The following BET1 variants were observed in gnomAD, a reference collection of about 807,000 sequenced individuals.
The protein encoded by BET1 is Bet1 golgi vesicular membrane trafficking protein.
Under a neutral mutation model 13.9 loss-of-function variants are expected in BET1, and 9 were observed. That is an observed-to-expected ratio of 0.65 (90% CI 0.39 to 1.13). The LOEUF (loss-of-function observed/expected upper bound fraction) is 1.13. BET1 is among the 50% of genes most tolerant of loss of function. The probability of loss-of-function intolerance (pLI) is 0.01; values close to 1 mark genes in which losing one functional copy is unlikely to be tolerated. For missense variants in BET1, 127 were observed against 133.6 expected, an observed-to-expected ratio of 0.95 and a Z score of 0.24; for synonymous variants, 39 against 47.3, an observed-to-expected ratio of 0.82 and a Z score of 0.72.
At chr7:93,964,926 C>A (rs1795149971) in exon 7 of BET1, 1 of 152,010 alleles carries the variant, frequency 6.6e-6, no homozygotes, top group Admixed American at 6.6e-5. Context: ...GATTTCTCAA[C>A]TAATTTAAAA....
intron 4 of BET1, among the ~76,000 whole-genome samples, chr7:93,987,996 G>A (rs1427860506): frequency 2.6e-5 from 4 of 152,176 alleles, no homozygotes; most frequent in Non-Finnish European, 5.9e-5. Context: ...AATACTTAAA[G>A]AAGCTCAGCT....
At chr7:93,983,569 CT>C (rs1411586022) in intron 4 of BET1, among the ~76,000 whole-genome samples, 1 of 152,040 alleles carries the variant, frequency 6.6e-6, no homozygotes, top group Non-Finnish European at 1.5e-5. Context: ...TGAGCCATGA[CT>C]CTGTACAAAA....
chr7:93,995,304 A>G (rs1474219710), intron 3 of BET1, among the ~76,000 whole-genome samples: 1 of 152,332 alleles, frequency 6.6e-6, no homozygotes, highest in Non-Finnish European at 1.5e-5. Flanking sequence ...GGAAAATCCT[A>G]AAGATGAGAG....
At chr7:93,987,829 G>C (rs991097412) in intron 4 of BET1, among the ~76,000 whole-genome samples, 2 of 152,172 alleles carry the variant, frequency 1.3e-5, no homozygotes, top group African/African-American at 4.8e-5. Context: ...TCTTCCACTT[G>C]TGCCTAAGTG....
At chr7:93,986,293 T>G (rs1795526876) in intron 4 of BET1, among the ~76,000 whole-genome samples, 1 of 152,190 alleles carries the variant, frequency 6.6e-6, no homozygotes, top group South Asian at 2.1e-4. Flanking sequence ...TGGAAAGTTT[T>G]AGCTCTGAAA....
At chr7:93,997,453 T>C (rs1263820246) in intron 2 of BET1, among the ~76,000 whole-genome samples, 1 of 152,246 alleles carries the variant, frequency 6.6e-6, no homozygotes, top group Middle Eastern at 3.4e-3. Context: ...TTATCTACAT[T>C]GGGGGGGTTT....
chr7:93,972,214 C>A (rs925518977), intron 6 of BET1, among the ~76,000 whole-genome samples: 1 of 151,842 alleles, frequency 6.6e-6, no homozygotes, highest in Non-Finnish European at 1.5e-5. Context: ...TCCTGTGTAA[C>A]AATGTCACAA....
At chr7:94,003,481 G>A (rs1326370433) in intron 1 of BET1, among the ~76,000 whole-genome samples, 1 of 151,460 alleles carries the variant, frequency 6.6e-6, no homozygotes, top group Non-Finnish European at 1.5e-5. Flanking sequence ...CGTGTCCTAA[G>A]AGAAAGCTTC....
chr7:93,980,472 G>C (rs1043287281), intron 4 of BET1, among the ~76,000 whole-genome samples: 2 of 152,118 alleles, frequency 1.3e-5, no homozygotes, highest in South Asian at 4.1e-4. Flanking sequence ...GGATTCAAGG[G>C]TGGTTCAACA....
At chr7:94,003,298 T>C (rs1795953365) in intron 1 of BET1, among the ~76,000 whole-genome samples, 2 of 152,144 alleles carry the variant, frequency 1.3e-5, no homozygotes, top group South Asian at 4.1e-4. Flanking sequence ...TAAACAAGTC[T>C]ACGGTTATTG....
chr7:93,981,715 G>T (rs941557058), intron 4 of BET1, among the ~76,000 whole-genome samples: 1 of 152,140 alleles, frequency 6.6e-6, no homozygotes, highest in African/African-American at 2.4e-5. Context: ...GTCCTCCTAG[G>T]AGTCATTAAA....
At chr7:93,983,285 C>T (rs1019317980) in intron 4 of BET1, among the ~76,000 whole-genome samples, 2 of 152,128 alleles carry the variant, frequency 1.3e-5, no homozygotes, top group African/African-American at 4.8e-5. Context: ...TGGAGTACGT[C>T]TCTATTAATT....
rs764209523 is a variant in BET1, at chr7:93,993,523, T to C, written c.*707A>G. ...AATGATAAATGTGCTACCTATGTAG[T>C]AAAAATCATAAAACTATTATAAGCC... On this transcript the variant is annotated 3_prime_UTR_variant, in exon 4 of 4. Transcript: ENST00000222547. 1.7e-5 allele frequency: 17 copies of C among 997,444 alleles called. No homozygotes were observed. Among genetic ancestry groups the C allele is most frequent in the Non-Finnish European group, 2.0e-5 (17 of 834,224 alleles). The allele number at this position is 997,444 out of a possible 1,614,324, so 61.8% of individuals were successfully genotyped here.
At chr7:94,000,915 A>G (rs1167365197) in intron 1 of BET1, among the ~76,000 whole-genome samples, 1 of 152,126 alleles carries the variant, frequency 6.6e-6, no homozygotes, top group Non-Finnish European at 1.5e-5. Context: ...GGGAGGCAGG[A>G]TCACTTGAGG....
Position 93,978,047 on chromosome 7 carries a change from C to G in BET1, c.236-1947G>C, listed in dbSNP as rs138395937. Among the ~76,000 whole-genome samples the G allele has an allele frequency of 3.3e-3, 496 of 151,372 alleles. 6 individuals are homozygous for G. Among genetic ancestry groups the G allele is most frequent in the African/African-American group, 0.012 (481 of 41,154 alleles). Reference sequence around the variant, plus strand: ...TCTGTCCTAGACTGGTTGTTATTGTCTCAAAATGTGGCATCTGCAACTTTG... The same window carrying G: ...TCTGTCCTAGACTGGTTGTTATTGTGTCAAAATGTGGCATCTGCAACTTTG... On this transcript the variant is annotated intron_variant and NMD_transcript_variant, in intron 4 of 6. Coordinates refer to the BET1 transcript ENST00000357520.
At chr7:93,975,913 G>A (rs1172534211) in exon 5 of BET1, 2 of 1,133,420 alleles carry the variant, frequency 1.8e-6, no homozygotes, top group African/African-American at 1.6e-5. Context: ...CTTCTTTCTT[G>A]GAAGATTTGG....
downstream of BET1, among the ~76,000 whole-genome samples, chr7:93,990,387 A>G (rs1174854159): frequency 2.0e-5 from 3 of 152,040 alleles, no homozygotes; most frequent in African/African-American, 7.2e-5. Context: ...AATAATTATA[A>G]ATATTCTTTT....
At chr7:94,001,549 A>T (rs1487545264) in intron 1 of BET1, among the ~76,000 whole-genome samples, 1 of 152,192 alleles carries the variant, frequency 6.6e-6, no homozygotes, top group Admixed American at 6.5e-5. Context: ...TTTGCTGCTG[A>T]CACACTATCC....
In BET1 at chr7:93,975,974, T is replaced by C. The variant is rs1037501740; in HGVS notation, c.362A>G (p.His121Arg). 24 of 1,274,692 alleles carry C rather than the reference T, an allele frequency of 1.9e-5. No homozygotes were observed. The African/African-American group carries it at 2.6e-4, about 14-fold the overall frequency. The allele number at this position is 1,274,692 out of a possible 1,614,324, so 79.0% of individuals were successfully genotyped here. The stretch of plus-strand genomic sequence containing the variant: ...ATGTCATGATATAATTCTGCAGCTG[T>C]GATAGATGGCACTGAAAGTAAGCCT... Residue 121 changes from histidine to arginine, a missense_variant and NMD_transcript_variant, in exon 5 of 7, where the codon CAC becomes CGC. His to Arg is a conservative substitution (Grantham distance 29). Coordinates refer to the BET1 transcript ENST00000357520.
Sources: gnomAD v4.1 joint callset for allele counts (sites outside exome capture counted in the v4.1 genomes callset) on GRCh38, gnomAD v4.1.1 for gene constraint, MANE v1.5 for transcripts, NCBI Gene and HGNC (gene_info 2026-07-23, HGNC 2026-07-21) for gene names.